KCNN3: variants seen among roughly 807,000 people sequenced by gnomAD.
KCNN3 encodes small conductance calcium-activated potassium channel protein 3.
KCNN3 carries 16 observed loss-of-function variants against 62.9 expected under a neutral mutation model. The observed-to-expected ratio is 0.25, with a 90% CI of 0.17 to 0.39. The LOEUF is 0.39. Among genes scored for constraint, KCNN3 ranks in the 10% least tolerant of loss-of-function variants. The probability of loss-of-function intolerance (pLI) is 1.00; values close to 1 mark genes in which losing one functional copy is unlikely to be tolerated. For synonymous variants in KCNN3, 370 were observed against 389.2 expected (o/e 0.95, Z 0.58); for missense variants, 599 against 949.4 (o/e 0.63, Z 4.85).
chr1:154,785,716 G>A (rs1649254171), intron 2 of KCNN3, among the ~76,000 whole-genome samples: 1 of 151,292 alleles, frequency 6.6e-6, no homozygotes, highest in Admixed American at 6.6e-5. Context: ...CCGAGTAGCT[G>A]GGATTAGTAC....
chr1:154,726,319 C>T (rs1170853481), intron 4 of KCNN3, among the ~76,000 whole-genome samples: 1 of 152,276 alleles, frequency 6.6e-6, no homozygotes, highest in East Asian at 1.9e-4. Flanking sequence ...GGCGCCGAGG[C>T]TTTGGGGGGT....
intron 2 of KCNN3, among the ~76,000 whole-genome samples, chr1:154,787,776 C>T (rs554283441): frequency 2.0e-5 from 3 of 152,322 alleles, no homozygotes; most frequent in African/African-American, 7.2e-5. Context: ...CCTTCTAAAC[C>T]CCCGTTTGGA....
At chr1:154,816,401 C>T (rs559448715) in intron 2 of KCNN3, among the ~76,000 whole-genome samples, 1 of 152,356 alleles carries the variant, frequency 6.6e-6, no homozygotes, top group African/African-American at 2.4e-5. Context: ...AACTCTGCCA[C>T]TGCTCTGTAT....
chr1:154,763,453 T>TA (rs998667395), intron 3 of KCNN3, among the ~76,000 whole-genome samples: 24 of 152,172 alleles, frequency 1.6e-4, no homozygotes, highest in Non-Finnish European at 3.4e-4. Context: ...CATAGTCCAC[T>TA]ACTGGCTCGA....
In KCNN3 at chr1:154,725,971, G is replaced by A. The variant is rs1385797740; in HGVS notation, c.1646C>T (p.Thr549Ile). The change falls in exon 5 of 8, where the codon ACC (threonine) becomes ATC (isoleucine). Residue 549 changes from threonine to isoleucine, a missense_variant. Thr to Ile is a moderately conservative substitution (Grantham distance 89, BLOSUM62 -1). This residue lies in a region of KCNN3 where 288 missense variants were observed against 557.4 expected (regional missense o/e 0.52). Transcript: ENST00000271915. ...VAVVARKLEL[T>I]KAEKHVHNFM... ...GTTATGAACGTGCTTCTCCGCTTTG[G>A]TGAGTTCCAGCTTTCGGGCCACCAC... The A allele has an allele frequency of 6.2e-7, 1 of 1,614,060 alleles. No homozygotes were observed. Among genetic ancestry groups the A allele is most frequent in the African/African-American group, 1.3e-5 (1 of 74,932 alleles).
chr1:154,796,639 G>A (rs567130210), intron 2 of KCNN3, among the ~76,000 whole-genome samples: 5 of 152,328 alleles, frequency 3.3e-5, no homozygotes, highest in Non-Finnish European at 5.9e-5. Flanking sequence ...TGATTCAACC[G>A]ATTCAACCGA....
intron 2 of KCNN3, among the ~76,000 whole-genome samples, chr1:154,793,448 G>A (rs570647720): frequency 3.5e-4 from 54 of 152,300 alleles, no homozygotes; most frequent in African/African-American, 1.1e-3. Context: ...AGACCCCAAT[G>A]CAGCCTAGAG....
At chr1:154,771,787 C>T in intron 3 of KCNN3, 188 bp downstream of exon 3, 1 of 678,308 alleles carries the variant, frequency 1.5e-6, no homozygotes, top group Non-Finnish European at 2.6e-6. Context: ...TACTTTGGTT[C>T]CAATGCTGCA....
chr1:154,771,210 T>C (rs752323757), intron 3 of KCNN3, among the ~76,000 whole-genome samples: 10 of 152,182 alleles, frequency 6.6e-5, no homozygotes, highest in Non-Finnish European at 1.2e-4. Context: ...GCCTTGTTGA[T>C]GGCTGTTCCA....
intron 2 of KCNN3, among the ~76,000 whole-genome samples, chr1:154,774,383 A>G (rs1476953212): frequency 3.9e-5 from 6 of 152,188 alleles, no homozygotes; most frequent in African/African-American, 1.4e-4. Context: ...CCCACTGTGG[A>G]GTCCCACCAT....
chr1:154,794,031 T>C (rs948357438), intron 2 of KCNN3, among the ~76,000 whole-genome samples: 1 of 152,232 alleles, frequency 6.6e-6, no homozygotes, highest in Non-Finnish European at 1.5e-5. Context: ...GTGCGTAGAA[T>C]GTAGACAAAT....
rs569056745 is a variant in KCNN3, at chr1:154,706,771, A to G, written c.*1205T>C. Reference sequence around the variant, plus strand: ...TCTCCTCCTAGCTCAGAGGCTCACAATTGAGGCACTTGGCCCTTTTGCACT... The same window carrying G: ...TCTCCTCCTAGCTCAGAGGCTCACAGTTGAGGCACTTGGCCCTTTTGCACT... On this transcript the variant is annotated 3_prime_UTR_variant, in exon 8 of 8. Coordinates refer to ENST00000271915, the MANE Select transcript of KCNN3 (RefSeq NM_002249.6). The G allele has an allele frequency of 1.3e-5, 2 of 152,328 alleles. No individual in the cohort carries two copies. The highest frequency in any genetic ancestry group is 3.9e-4 in the East Asian group (2 of 5,190). The allele number at this position is 152,328 out of a possible 1,614,324, so 9.4% of individuals were successfully genotyped here. A position where few individuals can be genotyped will look rare whatever the true frequency, so the allele number is the denominator to read the frequency against.
intron 2 of KCNN3, among the ~76,000 whole-genome samples, chr1:154,808,703 T>C (rs1287132397): frequency 1.3e-5 from 2 of 152,030 alleles, no homozygotes; most frequent in Admixed American, 6.6e-5. Flanking sequence ...GGAAGACAAA[T>C]ATCGCCCTGC....
At chr1:154,755,800 GGAA>G (rs1169791765) in intron 3 of KCNN3, among the ~76,000 whole-genome samples, 21 of 142,684 alleles carry the variant, frequency 1.5e-4, no homozygotes, top group East Asian at 4.3e-4. Flanking sequence ...AGGAGGAGGA[GGAA>G]GAAGAAGAAG....
intron 2 of KCNN3, among the ~76,000 whole-genome samples, chr1:154,780,030 A>G (rs1282034591): frequency 6.6e-6 from 1 of 152,154 alleles, no homozygotes. Context: ...TTCAGCTGCA[A>G]TCTCTGCAGG....
chr1:154,762,273 G>A lies in KCNN3; in HGVS notation c.1448+9702C>T, dbSNP rs966749270. Among the ~76,000 whole-genome samples, 10 of 152,158 alleles carry A rather than the reference G, an allele frequency of 6.6e-5. No homozygotes were observed. In the East Asian group the frequency reaches 7.7e-4, roughly 12 times the overall value. On this transcript the variant is annotated intron_variant, in intron 3 of 7. Transcript: ENST00000271915. ...GTCTAATTTCCTTCTTGCCCTCAGC[G>A]TAAGACAACCCCATGCCCGCCCACC...
At chr1:154,747,808 A>G (rs1277890273) in intron 3 of KCNN3, among the ~76,000 whole-genome samples, 1 of 152,106 alleles carries the variant, frequency 6.6e-6, no homozygotes, top group East Asian at 1.9e-4. Context: ...CGTTGAGTGC[A>G]CTGCCGCATC....
At chr1:154,773,740 C>G (rs1028898100) in intron 2 of KCNN3, among the ~76,000 whole-genome samples, 2 of 152,220 alleles carry the variant, frequency 1.3e-5, no homozygotes, top group Non-Finnish European at 2.9e-5. Flanking sequence ...GGCTGTTTCA[C>G]GATGGTGAGA....
chr1:154,843,803 C>T (rs189686269), intron 1 of KCNN3, among the ~76,000 whole-genome samples: 166 of 152,322 alleles, frequency 1.1e-3, no homozygotes, highest in African/African-American at 3.8e-3. Flanking sequence ...CGGCACTTAA[C>T]GAAGTCCAAT....
Sources: gnomAD v4.1 joint callset for allele counts (sites outside exome capture counted in the v4.1 genomes callset) on GRCh38, gnomAD v4.1.1 for gene constraint, gnomAD v4.1.1 regional missense constraint, MANE v1.5 for transcripts, NCBI Gene and HGNC (gene_info 2026-07-23, HGNC 2026-07-21) for gene names.